Variants in TNXB observed in about 807,000 individuals in gnomAD.
TNXB encodes the protein tenascin-X.
Under a neutral mutation model 340.5 loss-of-function variants are expected in TNXB, and 183 were observed. The ratio of observed to expected loss-of-function variants is 0.54; its 90% confidence interval spans 0.48 to 0.61. The LOEUF is 0.61. Ranked by LOEUF, TNXB falls within the 20% of genes least tolerant of loss-of-function variation. The probability of loss-of-function intolerance (pLI) is 0.00; values close to 1 mark genes in which losing one functional copy is unlikely to be tolerated. For missense variants in TNXB, 4,613 were observed against 5,446.4 expected (o/e 0.85, Z 4.82); for synonymous variants, 2,121 against 2,314.5 (o/e 0.92, Z 2.40).
At chr6:32,103,344 C>T (rs1176908440) in intron 1 of TNXB, among the ~76,000 whole-genome samples, 3 of 151,236 alleles carry the variant, frequency 2.0e-5, no homozygotes, top group East Asian at 2.0e-4. Context: ...GCGGGAGAAT[C>T]GCTTGAACCT....
At chr6:32,104,811 T>C (rs754812624) in intron 1 of TNXB, among the ~76,000 whole-genome samples, 2 of 151,970 alleles carry the variant, frequency 1.3e-5, no homozygotes, top group African/African-American at 2.4e-5. Flanking sequence ...AATTTTTAAT[T>C]TTTTTTGCAA....
In TNXB at chr6:32,068,656, G is replaced by C. The variant is rs1409343988; in HGVS notation, c.5954C>G (p.Pro1985Arg). 3.1e-6 allele frequency: 5 copies of C among 1,613,950 alleles called. No homozygotes were observed. The South Asian group carries it at 3.3e-5, about 11-fold the overall frequency. The change falls in exon 17 of 44, where the codon CCC becomes CGC. Residue 1985 changes from proline (P) to arginine (R), a missense_variant. Pro to Arg is a moderately radical substitution (Grantham distance 103). Coordinates refer to ENST00000644971, the MANE Select transcript of TNXB (RefSeq NM_001365276.2). This position sits in a 1 kb window ranked among gnomAD's most constrained non-coding sequence, Gnocchi z 5.3. ...SEPPTATPEP[P>R]IKPRLGELTV... ...CAGCTCCCCCAGGCGAGGCTTGATG[G>C]GGGGCTCGGGGGTTGCGGTGGGAGG...
rs1019388787 is a variant in TNXB at position 32,097,101 on chromosome 6, C to G, written c.752G>C (p.Arg251Pro). 1 of 1,613,282 alleles carries G rather than the reference C, an allele frequency of 6.2e-7. No individual in the cohort carries two copies. The highest frequency in any genetic ancestry group is 8.5e-7 in the Non-Finnish European group (1 of 1,179,594). ...GPDCSQRSCP[R>P]GCSQRGRCEG... ...ACAGCGTCCCCTCTGGCTGCAACCT[C>G]GAGGGCAGGAGCGCTGGCTGCAGTC... Residue 251 changes from arginine (R) to proline (P), a missense_variant, in exon 3 of 44, where the codon CGA becomes CCA. Arg to Pro is a moderately radical substitution (Grantham distance 103, BLOSUM62 -2). This residue lies in a region of TNXB where 4,327 missense variants were observed against 4,859.4 expected (regional missense o/e 0.89). Transcript: ENST00000644971. This position sits in a 1 kb window ranked among gnomAD's most constrained non-coding sequence, Gnocchi z 5.9.
rs554208655 is a variant in TNXB, at chr6:32,088,729, A to G, written c.2779+56T>C. The stretch of plus-strand genomic sequence containing the variant: ...GAGCCCTGAGCCTGGGCTCCTGAGG[A>G]GGAGGATCCAAGGCTGGGAAACCAG... On this transcript the variant is annotated intron_variant, in intron 6 of 43. Coordinates refer to ENST00000644971, the MANE Select transcript of TNXB (RefSeq NM_001365276.2). 1.4e-5 allele frequency: 21 copies of G among 1,530,964 alleles called. No homozygotes were observed. In the East Asian group the frequency reaches 4.7e-4, roughly 34 times the overall value. 94.8% of individuals were successfully genotyped at this position (1,530,964 alleles called of 1,614,324 possible). A position where few individuals can be genotyped will look rare whatever the true frequency, so the allele number is the denominator to read the frequency against.
At chr6:32,106,976 G>A (rs1481385680) in intron 1 of TNXB, among the ~76,000 whole-genome samples, 4 of 152,126 alleles carry the variant, frequency 2.6e-5, no homozygotes, top group African/African-American at 9.7e-5. Context: ...TACACATATG[G>A]GTGCCCATGC....
chr6:32,084,278 C>T lies in TNXB; in HGVS notation c.3445+135G>A, dbSNP rs1779639549. The T allele has an allele frequency of 2.3e-6, 2 of 881,310 alleles. No homozygotes were observed. The highest frequency in any genetic ancestry group is 3.3e-6 in the Non-Finnish European group (2 of 609,804). The allele number at this position is 881,310 out of a possible 1,614,324, so 54.6% of individuals were successfully genotyped here. ...AAACTCTTTGCCTGCCCCACCACTA[C>T]TTTCCCTTCAGAATTCAGCTCATGC... is the stretch of plus-strand genomic sequence containing the variant. On this transcript the variant is annotated intron_variant, in intron 8 of 43. Coordinates refer to ENST00000644971, the MANE Select transcript of TNXB (RefSeq NM_001365276.2). The surrounding 1 kb of genome is among the most constrained non-coding windows in gnomAD (Gnocchi z 5.5).
intron 13 of TNXB, among the ~76,000 whole-genome samples, chr6:32,071,431 A>G (rs927070976): frequency 1.6e-4 from 24 of 152,034 alleles, no homozygotes; most frequent in African/African-American, 5.6e-4. Context: ...AGGCTCCCAC[A>G]TCCACCCTGC....
Position 32,051,042 on chromosome 6 carries a change from A to C in TNXB, c.9116-721T>G, listed in dbSNP as rs1335828664. 6.6e-6 allele frequency among the ~76,000 whole-genome samples: 1 copy of C among 152,164 alleles called. No individual in the cohort carries two copies. Among genetic ancestry groups the C allele is most frequent in the Non-Finnish European group, 1.5e-5 (1 of 68,030 alleles). On this transcript the variant is annotated intron_variant, in intron 26 of 43. Transcript: ENST00000644971. This position sits in a 1 kb window ranked among gnomAD's most constrained non-coding sequence, Gnocchi z 4.7. ...CTTCAGGACTATCTATTCACTGCAA[A>C]GGACACCCCACTCAATCCTCAGTAC...
rs748330632 is a variant in TNXB at position 32,082,144 on chromosome 6, G to T, written c.3628C>A (p.Arg1210Ser). 1.2e-6 allele frequency: 2 copies of T among 1,611,560 alleles called. No homozygotes were observed. Among genetic ancestry groups the T allele is most frequent in the Admixed American group, 1.7e-5 (1 of 59,710 alleles). Residue 1210 changes from arginine to serine, a missense_variant, in exon 9 of 44, where the codon CGT becomes AGT. Physicochemically the swap from Arg to Ser is moderately radical, Grantham distance 110 (BLOSUM62 -1). This residue lies in a region of TNXB where 4,327 missense variants were observed against 4,859.4 expected (regional missense o/e 0.89). Transcript: ENST00000644971. This position sits in a 1 kb window ranked among gnomAD's most constrained non-coding sequence, Gnocchi z 5.0. ...TCCAGTGAGGAGACAACAAATGAAC[G>T]CTCGGGCCCTTCCACAGGTACCACC... ...PQVVPVEGPE[R>S]SFVVSSLDPD...
In TNXB at chr6:32,072,124, T is replaced by C. The variant is rs1324056823; in HGVS notation, c.4856A>G (p.Gln1619Arg). The C allele has an allele frequency of 1.9e-6, 3 of 1,612,148 alleles. No individual in the cohort carries two copies. The South Asian group carries it at 3.3e-5, about 18-fold the overall frequency. Residue 1619 changes from glutamine (Q) to arginine (R), a missense_variant, in exon 13 of 44, where the codon CAG becomes CGG. Gln to Arg is a conservative substitution (Grantham distance 43). Around this residue, in one of 7 missense-constraint regions of TNXB, gnomAD observed 4,327 missense variants for 4,859.4 expected, o/e 0.89. Transcript: ENST00000644971. The surrounding 1 kb of genome is among the most constrained non-coding windows in gnomAD (Gnocchi z 4.4). ...VQYKDRDGQP[Q>R]VVPVAADQRE... The stretch of plus-strand genomic sequence containing the variant: ...CTGATCTGCAGCCACGGGCACCACC[T>C]GGGGCTGCCCGTCCCTGTCCTTGTA...
At chr6:32,086,784 C>T (rs954861306) in intron 6 of TNXB, among the ~76,000 whole-genome samples, 2 of 152,220 alleles carry the variant, frequency 1.3e-5, no homozygotes, top group African/African-American at 4.8e-5. Flanking sequence ...GCCACCCCCA[C>T]GCAGTTCTGA....
chr6:32,073,705 G>T lies in TNXB; in HGVS notation c.4623C>A (p.Asn1541Lys). The T allele has an allele frequency of 6.2e-7, 1 of 1,611,882 alleles. No individual in the cohort carries two copies. Among genetic ancestry groups the T allele is most frequent in the South Asian group, 1.1e-5 (1 of 90,912 alleles). The change falls in exon 12 of 44, where the codon AAC (asparagine) becomes AAA (lysine). Residue 1541 changes from asparagine to lysine, a missense_variant. Asn to Lys is a moderately conservative substitution (Grantham distance 94). This residue lies in a region of TNXB where 4,327 missense variants were observed against 4,859.4 expected (regional missense o/e 0.89). Transcript: ENST00000644971. This position sits in a 1 kb window ranked among gnomAD's most constrained non-coding sequence, Gnocchi z 4.6. ...GTTGCCCATCATGTAGTCCATACAT[G>T]TTCATCTTATATTTTCTCTCAGGCT... ...NLEPERKYKM[N>K]MYGLHDGQRM...
intron 11 of TNXB, chr6:32,078,626 G>T (rs753511575): frequency 4.1e-6 from 1 of 244,200 alleles, no homozygotes; most frequent in Non-Finnish European, 8.0e-6. Context: ...TATGGCCTTA[G>T]ATTCATGTGC....
In TNXB at chr6:32,089,076, G is replaced by A. The variant is rs757855224; in HGVS notation, c.2516-28C>T. On this transcript the variant is annotated intron_variant, in intron 5 of 43. Transcript: ENST00000644971. This position sits in a 1 kb window ranked among gnomAD's most constrained non-coding sequence, Gnocchi z 6.2. ...AGCCAGGTTAAAGAGGAGGACTCAGGTGGGTGTCTGGTTCTTCAATCATCA... is the reference window on the plus strand; with the variant it reads ...AGCCAGGTTAAAGAGGAGGACTCAGATGGGTGTCTGGTTCTTCAATCATCA... The A allele has an allele frequency of 6.2e-7, 1 of 1,600,476 alleles. No individual in the cohort carries two copies. The highest frequency in any genetic ancestry group is 8.5e-7 in the Non-Finnish European group (1 of 1,171,986).
At position 32,056,774 on chromosome 6, in the gene TNXB, T is replaced by C; in HGVS notation, c.7955A>G (p.Glu2652Gly). Reference protein sequence around the residue: ...DSLSLSWTVPEGQFDHFLVQY... With the variant: ...DSLSLSWTVPGGQFDHFLVQY... Reference sequence around the variant, plus strand: ...GACCAGGAAGTGGTCAAACTGGCCCTCGGGAACCGTCCAGGACAGGCTGAG... The same window carrying C: ...GACCAGGAAGTGGTCAAACTGGCCCCCGGGAACCGTCCAGGACAGGCTGAG... Residue 2652 changes from glutamate (E) to glycine (G), a missense_variant, in exon 23 of 44, where the codon GAG (glutamate) becomes GGG (glycine). Transcript: ENST00000644971. 6.2e-7 allele frequency: 1 copy of C among 1,613,304 alleles called. No homozygotes were observed. Among genetic ancestry groups the C allele is most frequent in the Non-Finnish European group, 8.5e-7 (1 of 1,179,850 alleles).
Position 32,097,706 on chromosome 6 carries a change from CCTT to C in TNXB, c.403+87_403+89del, listed in dbSNP as rs1780490926. The C allele has an allele frequency of 2.9e-6, 4 of 1,387,424 alleles. No individual in the cohort carries two copies. Among genetic ancestry groups the C allele is most frequent in the Non-Finnish European group, 2.9e-6 (3 of 1,043,902 alleles). 85.9% of individuals were successfully genotyped at this position (1,387,424 alleles called of 1,614,324 possible). ...CACCCCTCATGGTGAGGAAGGAGTGCCTTCTTCTAATTCATACCAAGGACCTTT... is the reference window on the plus strand; with the variant it reads ...CACCCCTCATGGTGAGGAAGGAGTGCCTTCTAATTCATACCAAGGACCTTT... On this transcript the variant is annotated intron_variant, in intron 2 of 43. Transcript: ENST00000644971. The surrounding 1 kb of genome is among the most constrained non-coding windows in gnomAD (Gnocchi z 5.9).
rs1006618727 is a variant in TNXB, at chr6:32,108,011, G to T, written c.-9+1170C>A. On this transcript the variant is annotated intron_variant, in intron 1 of 43. Transcript: ENST00000644971. The surrounding 1 kb of genome is among the most constrained non-coding windows in gnomAD (Gnocchi z 4.8). ...CGGCCTGGGAATGGAAAAATTAAGA[G>T]AAAGGATTTCCAGGCCCCAGCTGAA... 6.6e-6 allele frequency among the ~76,000 whole-genome samples: 1 copy of T among 152,146 alleles called. No homozygotes were observed.
Position 32,089,307 on chromosome 6 carries a change from C to T in TNXB, c.2431G>A (p.Ala811Thr), listed in dbSNP as rs1218015930. ...SASAYDQRGL[A>T]PGQEYQVTVR... Reference sequence around the variant, plus strand: ...GTGACCTGGTACTCCTGTCCAGGGGCCAGTCCTCTCTGGTCATAGGCTGAG... The same window carrying T: ...GTGACCTGGTACTCCTGTCCAGGGGTCAGTCCTCTCTGGTCATAGGCTGAG... Residue 811 changes from alanine to threonine, a missense_variant, in exon 5 of 44, where the codon GCC (alanine) becomes ACC (threonine). Around this residue, in one of 7 missense-constraint regions of TNXB, gnomAD observed 4,327 missense variants for 4,859.4 expected, o/e 0.89. Transcript: ENST00000644971. The surrounding 1 kb of genome is among the most constrained non-coding windows in gnomAD (Gnocchi z 6.2). 1 of 1,608,298 alleles carries T rather than the reference C, an allele frequency of 6.2e-7. No individual in the cohort carries two copies. The highest frequency in any genetic ancestry group is 1.1e-5 in the South Asian group (1 of 89,722).
At position 32,068,463 on chromosome 6, in the gene TNXB, A is replaced by G. The variant is rs1278289517; in HGVS notation, c.6147T>C (p.His2049=). The G allele has an allele frequency of 2.5e-6, 4 of 1,613,776 alleles. No homozygotes were observed. Among genetic ancestry groups the G allele is most frequent in the East Asian group, 2.2e-5 (1 of 44,872 alleles). The change falls in exon 17 of 44, where the codon CAT becomes CAC. Residue 2049 remains histidine, a synonymous_variant. Transcript: ENST00000644971. This position sits in a 1 kb window ranked among gnomAD's most constrained non-coding sequence, Gnocchi z 5.3. ...GVTISGLEPD[H]KYKMNLYGFH... ...AGCCGTACAGGTTCATCTTGTATTT[A>G]TGGTCTGGCTCCAGGCCCGAGATGG...
Sources: allele counts gnomAD v4.1 joint callset (sites outside exome capture counted in the v4.1 genomes callset), GRCh38; gene constraint gnomAD v4.1.1; regional missense constraint gnomAD v4.1.1; non-coding constraint Gnocchi (gnomAD v3.1); transcripts MANE v1.5; gene names NCBI Gene and HGNC (gene_info 2026-07-23, HGNC 2026-07-21).